The following SIAH1 variants were observed in gnomAD, a reference collection of about 807,000 sequenced individuals.
SIAH1 encodes siah E3 ubiquitin protein ligase 1.
SIAH1 carries 2 observed loss-of-function variants against 20.0 expected under a neutral mutation model. The ratio of observed to expected loss-of-function variants is 0.10; its 90% confidence interval spans 0.04 to 0.31. SIAH1 has a LOEUF of 0.31. SIAH1 is among the 10% of genes least tolerant of loss of function. The pLI, the probability that SIAH1 is intolerant of heterozygous loss-of-function variation, is 1.00. For missense variants in SIAH1, 119 were observed against 355.3 expected, an observed-to-expected ratio of 0.33 and a Z score of 5.35; for synonymous variants, 118 against 125.3, an observed-to-expected ratio of 0.94 and a Z score of 0.39.
chr16:48,379,641 CAT>C (rs1369659195), intron 1 of SIAH1, among the ~76,000 whole-genome samples: 2 of 152,166 alleles, frequency 1.3e-5, no homozygotes, highest in Admixed American at 1.3e-4. Flanking sequence ...ACCAAGTCGT[CAT>C]AGAGATTACA....
Position 48,361,379 on chromosome 16 carries a change from G to A in SIAH1, c.*201C>T. 1.8e-6 allele frequency: 1 copy of A among 547,190 alleles called. No homozygotes were observed. Among genetic ancestry groups the A allele is most frequent in the Non-Finnish European group, 3.2e-6 (1 of 308,114 alleles). 33.9% of individuals were successfully genotyped at this position (547,190 alleles called of 1,614,324 possible). The stretch of plus-strand genomic sequence containing the variant: ...TGTATATACATATATTTTTTCAGTG[G>A]TTTACTGTTGACTTATTTTTAAATA... On this transcript the variant is annotated 3_prime_UTR_variant, in exon 2 of 2. Coordinates refer to ENST00000394725, the MANE Select transcript of SIAH1 (RefSeq NM_003031.4).
In SIAH1 at chr16:48,376,218, T is replaced by C. The variant is rs985610162; in HGVS notation, c.-3+8986A>G. Among the ~76,000 whole-genome samples the C allele has an allele frequency of 1.6e-4, 24 of 152,188 alleles. 1 individual carries two copies. The highest frequency in any genetic ancestry group is 5.9e-4 in the Admixed American group (9 of 15,286). On this transcript the variant is annotated intron_variant, in intron 1 of 1. Coordinates refer to ENST00000394725, the MANE Select transcript of SIAH1 (RefSeq NM_003031.4). The stretch of plus-strand genomic sequence containing the variant: ...GGGGGTGAGGAGGGATTTCGGTATC[T>C]CTCCAATGTTTCATAAAATTATTGG...
Position 48,375,323 on chromosome 16 carries a change from A to C in SIAH1, c.-3+9881T>G, listed in dbSNP as rs181689625. Reference sequence around the variant, plus strand: ...CATACATCAGACTTACTAACATGTAAGAATCAACTGTTTAAACGGGGTGGG... The same window carrying C: ...CATACATCAGACTTACTAACATGTACGAATCAACTGTTTAAACGGGGTGGG... On this transcript the variant is annotated intron_variant, in intron 1 of 1. Coordinates refer to ENST00000394725, the MANE Select transcript of SIAH1 (RefSeq NM_003031.4). 1.4e-4 allele frequency among the ~76,000 whole-genome samples: 22 copies of C among 152,342 alleles called. No homozygotes were observed. The East Asian group carries it at 4.0e-3, about 28-fold the overall frequency.
At chr16:48,377,761 C>A (rs1474446876) in intron 1 of SIAH1, among the ~76,000 whole-genome samples, 6 of 151,614 alleles carry the variant, frequency 4.0e-5, no homozygotes, top group Non-Finnish European at 8.8e-5. Context: ...TTGAGATGGT[C>A]AGGGAAAAGA....
chr16:48,378,941 C>T (rs969285746), intron 1 of SIAH1, among the ~76,000 whole-genome samples: 9 of 152,220 alleles, frequency 5.9e-5, no homozygotes, highest in African/African-American at 2.2e-4. Context: ...AGCACTTTGA[C>T]TCCTTTACAG....
At chr16:48,366,273 G>GC (rs1041510167) in intron 1 of SIAH1, among the ~76,000 whole-genome samples, 12 of 152,180 alleles carry the variant, frequency 7.9e-5, no homozygotes, top group African/African-American at 2.9e-4. Flanking sequence ...CCACACTGGC[G>GC]CTACGCTCCA....
chr16:48,382,576 G>T (rs915260282), intron 1 of SIAH1, among the ~76,000 whole-genome samples: 1 of 152,064 alleles, frequency 6.6e-6, no homozygotes, highest in Non-Finnish European at 1.5e-5. Context: ...TAGACATCCT[G>T]CTATTTTGAA....
At chr16:48,364,815 T>G (rs1182231821) in intron 1 of SIAH1, 3 of 152,512 alleles carry the variant, frequency 2.0e-5, no homozygotes, top group Non-Finnish European at 4.4e-5. Flanking sequence ...GCCTTTCAAA[T>G]TACTAAATCA....
rs1453129400 is a variant in SIAH1 at position 48,361,384 on chromosome 16, C to G, written c.*196G>C. ...ATACATATATTTTTTCAGTGGTTTA[C>G]TGTTGACTTATTTTTAAATATATTA... is the stretch of plus-strand genomic sequence containing the variant. On this transcript the variant is annotated 3_prime_UTR_variant, in exon 2 of 2. Transcript: ENST00000394725. 2 of 553,972 alleles carry G rather than the reference C, an allele frequency of 3.6e-6. No individual in the cohort carries two copies. Among genetic ancestry groups the G allele is most frequent in the East Asian group, 6.0e-5 (2 of 33,578 alleles). The allele number at this position is 553,972 out of a possible 1,614,324, so 34.3% of individuals were successfully genotyped here. A position where few individuals can be genotyped will look rare whatever the true frequency, so the allele number is the denominator to read the frequency against.
intron 1 of SIAH1, among the ~76,000 whole-genome samples, chr16:48,369,503 C>T (rs1960929104): frequency 6.6e-6 from 1 of 152,146 alleles, no homozygotes; most frequent in Admixed American, 6.5e-5. Context: ...CTTTGGGAGG[C>T]TGAGGTGGGA....
Position 48,362,560 on chromosome 16 carries a change from A to G in SIAH1, c.-2-130T>C. The G allele has an allele frequency of 1.1e-6, 1 of 874,480 alleles. No homozygotes were observed. The allele number at this position is 874,480 out of a possible 1,614,324, so 54.2% of individuals were successfully genotyped here. A position where few individuals can be genotyped will look rare whatever the true frequency, so the allele number is the denominator to read the frequency against. On this transcript the variant is annotated intron_variant, in intron 1 of 1. Coordinates refer to ENST00000394725, the MANE Select transcript of SIAH1 (RefSeq NM_003031.4). The surrounding 1 kb of genome is among the most constrained non-coding windows in gnomAD (Gnocchi z 4.2). Reference sequence around the variant, plus strand: ...TTTACTGAGCAAAAGAGGAAGAAAAATAGGATTAAAAAAGATATTAAAAAA... The same window carrying G: ...TTTACTGAGCAAAAGAGGAAGAAAAGTAGGATTAAAAAAGATATTAAAAAA...
intron 1 of SIAH1, among the ~76,000 whole-genome samples, chr16:48,377,626 C>T (rs1190359877): frequency 6.6e-6 from 1 of 152,034 alleles, no homozygotes; most frequent in Non-Finnish European, 1.5e-5. Context: ...AACTCCTGAC[C>T]TCAAGTGATC....
intron 1 of SIAH1, among the ~76,000 whole-genome samples, chr16:48,367,512 T>C (rs1960871940): frequency 6.6e-6 from 1 of 152,232 alleles, no homozygotes; most frequent in Admixed American, 6.5e-5. Flanking sequence ...CTGGACTGTT[T>C]CCAGCCTCAA....
intron 1 of SIAH1, among the ~76,000 whole-genome samples, chr16:48,366,244 G>A (rs1960837132): frequency 6.6e-6 from 1 of 152,212 alleles, no homozygotes; most frequent in African/African-American, 2.4e-5. Flanking sequence ...GAGCTACAGC[G>A]TATCTGGGAA....
intron 1 of SIAH1, among the ~76,000 whole-genome samples, chr16:48,374,881 G>A (rs2151051795): frequency 6.6e-6 from 1 of 152,348 alleles, no homozygotes; most frequent in South Asian, 2.1e-4. Context: ...AATTAGGAAT[G>A]TAGGAATGAG....
rs916991589 is a variant in SIAH1 at position 48,368,305 on chromosome 16, A to G, written c.-2-5875T>C. On this transcript the variant is annotated intron_variant, in intron 1 of 1. Transcript: ENST00000394725. ...GTATTTTCTCCAAAGGGGACAATAA[A>G]CTGCTTTATAAAGATTAGTCTGATT... is the stretch of plus-strand genomic sequence containing the variant. Among the ~76,000 whole-genome samples the G allele has an allele frequency of 2.6e-5, 4 of 152,234 alleles. No individual in the cohort carries two copies. The South Asian group carries it at 8.3e-4, about 32-fold the overall frequency.
chr16:48,384,320 G>T (rs1047704313), intron 1 of SIAH1, among the ~76,000 whole-genome samples: 4 of 152,098 alleles, frequency 2.6e-5, no homozygotes, highest in African/African-American at 9.7e-5. Context: ...CACCCAAGCT[G>T]GACTTTTCTG....
intron 1 of SIAH1, among the ~76,000 whole-genome samples, chr16:48,383,933 A>G (rs140981089): frequency 6.6e-6 from 1 of 152,356 alleles, no homozygotes; most frequent in Non-Finnish European, 1.5e-5. Flanking sequence ...AGAACTTAGT[A>G]TGGGGCTGCC....
intron 1 of SIAH1, among the ~76,000 whole-genome samples, chr16:48,367,775 GAAT>G (rs1960880237): frequency 6.7e-6 from 1 of 149,384 alleles, no homozygotes; most frequent in Non-Finnish European, 1.5e-5. Flanking sequence ...CAACTAGGTA[GAAT>G]ATTTACACTA....
Sources: gnomAD v4.1 joint callset for allele counts (sites outside exome capture counted in the v4.1 genomes callset) on GRCh38, gnomAD v4.1.1 for gene constraint, Gnocchi (gnomAD v3.1) non-coding constraint, MANE v1.5 for transcripts, NCBI Gene and HGNC (gene_info 2026-07-23, HGNC 2026-07-21) for gene names.